Variants in NR1H4 observed in about 807,000 individuals in gnomAD.
The protein encoded by NR1H4 is nuclear receptor subfamily 1 group H member 4.
A neutral mutation model predicts 58.5 loss-of-function variants in NR1H4; 23 were observed. That is an observed-to-expected ratio of 0.39 (90% CI 0.28 to 0.56). The LOEUF (loss-of-function observed/expected upper bound fraction) is 0.56. Ranked by LOEUF, NR1H4 falls within the 20% of genes least tolerant of loss-of-function variation. The pLI, the probability that NR1H4 is intolerant of heterozygous loss-of-function variation, is 0.58. For missense variants in NR1H4, 487 were observed against 576.9 expected, an observed-to-expected ratio of 0.84 and a Z score of 1.60; for synonymous variants, 214 against 198.0, an observed-to-expected ratio of 1.08 and a Z score of -0.68.
chr12:100,563,551 T>G lies in NR1H4; in HGVS notation c.*62T>G. On this transcript the variant is annotated 3_prime_UTR_variant, in exon 11 of 11. Coordinates refer to ENST00000392986, the MANE Select transcript of NR1H4 (RefSeq NM_001206979.2). ...CTCTCATATTAATCTGATGTATAAC[T>G]TTCCTTTATTTCACTTGTACCCAGT... 1.6e-6 allele frequency: 2 copies of G among 1,259,800 alleles called. No homozygotes were observed. The highest frequency in any genetic ancestry group is 1.5e-5 in the African/African-American group (1 of 67,986). 78.0% of individuals were successfully genotyped at this position (1,259,800 alleles called of 1,614,324 possible).
intron 3 of NR1H4, chr12:100,503,570 G>A: frequency 7.2e-7 from 1 of 1,390,814 alleles, no homozygotes; most frequent in Non-Finnish European, 9.5e-7. Context: ...GACTTTGGTT[G>A]GAGATGACAG....
intron 5 of NR1H4, 22 bp downstream of exon 5, chr12:100,532,632 AT>A (rs1954722158): frequency 6.2e-7 from 1 of 1,610,906 alleles, no homozygotes; most frequent in African/African-American, 1.3e-5. Flanking sequence ...AAGCAATTAC[AT>A]TTCACTAAAA....
At chr12:100,485,596 G>A (rs937745394) in intron 1 of NR1H4, among the ~76,000 whole-genome samples, 2 of 151,740 alleles carry the variant, frequency 1.3e-5, no homozygotes, top group Non-Finnish European at 2.9e-5. Context: ...ACAGTGGTGC[G>A]ATCTCGGCTC....
chr12:100,563,408 C>T lies in NR1H4; in HGVS notation c.1350C>T (p.His450=), dbSNP rs769744102. ...CTGAATTACGGACATTCAATCATCA[C>T]CACGCTGAGATGCTGATGTCATGGA... ...RLTELRTFNH[H]HAEMLMSWRV... Residue 450 remains histidine, a synonymous_variant, in exon 11 of 11, where the codon CAC becomes CAT. Transcript: ENST00000392986. 6.2e-7 allele frequency: 1 copy of T among 1,614,128 alleles called. No individual in the cohort carries two copies. The highest frequency in any genetic ancestry group is 1.3e-5 in the African/African-American group (1 of 75,024).
chr12:100,537,228 A>G (rs1954834401), intron 8 of NR1H4, among the ~76,000 whole-genome samples, 181 bp downstream of exon 8: 2 of 152,252 alleles, frequency 1.3e-5, no homozygotes, highest in South Asian at 4.1e-4. Flanking sequence ...TATTCTCTAC[A>G]ATAGTCTTGT....
intron 1 of NR1H4, among the ~76,000 whole-genome samples, chr12:100,480,982 C>A (rs1484033414): frequency 2.0e-5 from 3 of 152,184 alleles, no homozygotes; most frequent in Non-Finnish European, 4.4e-5. Flanking sequence ...GTATGGCAAT[C>A]TCAGGGCAGC....
chr12:100,502,936 A>G (rs1953868544), intron 3 of NR1H4, among the ~76,000 whole-genome samples: 1 of 152,172 alleles, frequency 6.6e-6, no homozygotes, highest in African/African-American at 2.4e-5. Context: ...ATTATCTCCT[A>G]CAGGATCCGT....
chr12:100,524,785 C>G (rs996935250), intron 4 of NR1H4, among the ~76,000 whole-genome samples: 1 of 152,124 alleles, frequency 6.6e-6, no homozygotes, highest in Non-Finnish European at 1.5e-5. Flanking sequence ...TTGTTTCTTT[C>G]TTTGTTGTGT....
In NR1H4 at chr12:100,556,265, C is replaced by T. The variant is rs923874992; in HGVS notation, c.1079-5620C>T. Among the ~76,000 whole-genome samples, 100 of 151,828 alleles carry T rather than the reference C, an allele frequency of 6.6e-4. 1 individual carries two copies. The highest frequency in any genetic ancestry group is 2.4e-3 in the African/African-American group (98 of 41,310). ...GGTGGATCACCTGAGGTCGGGAGTT[C>T]GAGACCAGCCTGACCAACATGGAGA... is the stretch of plus-strand genomic sequence containing the variant. On this transcript the variant is annotated intron_variant, in intron 9 of 10. Coordinates refer to ENST00000392986, the MANE Select transcript of NR1H4 (RefSeq NM_001206979.2).
At chr12:100,561,083 A>T (rs1269491260) in intron 9 of NR1H4, among the ~76,000 whole-genome samples, 1 of 152,224 alleles carries the variant, frequency 6.6e-6, no homozygotes, top group East Asian at 1.9e-4. Flanking sequence ...CTTCAGGAAG[A>T]GATCAGAACC....
chr12:100,512,514 G>T (rs1954146261), intron 4 of NR1H4, among the ~76,000 whole-genome samples: 1 of 151,940 alleles, frequency 6.6e-6, no homozygotes, highest in African/African-American at 2.4e-5. Context: ...GGTGGTGCAT[G>T]CCTGTAGTCC....
intron 9 of NR1H4, among the ~76,000 whole-genome samples, chr12:100,548,229 T>C (rs1021589056): frequency 3.3e-5 from 5 of 151,112 alleles, no homozygotes; most frequent in Non-Finnish European, 7.4e-5. Flanking sequence ...TAGCCGGGCA[T>C]GGTGGCACGC....
chr12:100,485,816 G>A (rs1953479831), intron 1 of NR1H4, among the ~76,000 whole-genome samples: 1 of 152,166 alleles, frequency 6.6e-6, no homozygotes, highest in Non-Finnish European at 1.5e-5. Flanking sequence ...TTACAGGTGT[G>A]AGCCACTATG....
intron 4 of NR1H4, among the ~76,000 whole-genome samples, chr12:100,513,191 C>G (rs1409429182): frequency 6.6e-6 from 1 of 152,180 alleles, no homozygotes; most frequent in Non-Finnish European, 1.5e-5. Context: ...TATTGCTACT[C>G]ATAGCACCTA....
At chr12:100,520,627 A>G (rs1954390930) in intron 4 of NR1H4, among the ~76,000 whole-genome samples, 1 of 152,170 alleles carries the variant, frequency 6.6e-6, no homozygotes, top group Non-Finnish European at 1.5e-5. Flanking sequence ...CAAACAATGA[A>G]TACCCTGTCC....
chr12:100,557,840 T>C (rs1313432663), intron 9 of NR1H4, among the ~76,000 whole-genome samples: 1 of 152,228 alleles, frequency 6.6e-6, no homozygotes, highest in Non-Finnish European at 1.5e-5. Context: ...GCTCTTTAAC[T>C]CTGGATCTGG....
intron 1 of NR1H4, among the ~76,000 whole-genome samples, chr12:100,486,546 A>G (rs551362855): frequency 6.6e-6 from 1 of 152,332 alleles, no homozygotes; most frequent in South Asian, 2.1e-4. Context: ...AGAAATGAGC[A>G]GATTTTCTCC....
intron 3 of NR1H4, among the ~76,000 whole-genome samples, chr12:100,507,994 A>G (rs1316297055): frequency 6.6e-6 from 1 of 152,126 alleles, no homozygotes; most frequent in Non-Finnish European, 1.5e-5. Context: ...AAGAAGAACT[A>G]GAAGATTATC....
chr12:100,533,186 G>A (rs1954736389), intron 5 of NR1H4, among the ~76,000 whole-genome samples: 1 of 152,170 alleles, frequency 6.6e-6, no homozygotes. Context: ...TGTATTAACT[G>A]CTGGCTTTGT....
Sources: allele counts gnomAD v4.1 joint callset (sites outside exome capture counted in the v4.1 genomes callset), GRCh38; gene constraint gnomAD v4.1.1; transcripts MANE v1.5; gene names NCBI Gene and HGNC (gene_info 2026-07-23, HGNC 2026-07-21).